The following NCMAP variants were observed in gnomAD, a reference collection of about 807,000 sequenced individuals.
The protein encoded by NCMAP is non-compact myelin associated protein, also known as noncompact myelin-associated protein.
NCMAP carries 8 observed loss-of-function variants against 7.8 expected under a neutral mutation model. That is an observed-to-expected ratio of 1.02 (90% CI 0.60 to 1.84). The LOEUF is 1.84. Among genes scored for constraint, NCMAP ranks in the 40% most tolerant of loss-of-function variants. The probability of loss-of-function intolerance (pLI) is 0.00; values close to 1 mark genes in which losing one functional copy is unlikely to be tolerated. For synonymous variants in NCMAP, 41 were observed against 52.9 expected, an observed-to-expected ratio of 0.78 and a Z score of 0.98; for missense variants, 112 against 131.4, an observed-to-expected ratio of 0.85 and a Z score of 0.72.
intron 1 of NCMAP, among the ~76,000 whole-genome samples, chr1:24,568,579 A>G (rs1276095904): frequency 1.3e-5 from 2 of 152,168 alleles, no homozygotes; most frequent in Admixed American, 6.6e-5. Context: ...ATTTATTATT[A>G]TTAGTAGTAG....
intron 3 of NCMAP, among the ~76,000 whole-genome samples, chr1:24,604,989 G>T (rs139050022): frequency 6.6e-6 from 1 of 151,698 alleles, no homozygotes; most frequent in Non-Finnish European, 1.5e-5. Flanking sequence ...GGTGACAGGT[G>T]CCTGTGATCC....
chr1:24,557,468 T>A (rs902711204), intron 1 of NCMAP, among the ~76,000 whole-genome samples: 2 of 151,958 alleles, frequency 1.3e-5, no homozygotes, highest in Non-Finnish European at 2.9e-5. Flanking sequence ...TGTGTGCGTG[T>A]GTGTGTTGGT....
chr1:24,605,589 A>G lies in NCMAP; in HGVS notation c.168-17A>G. 1 of 1,613,474 alleles carries G rather than the reference A, an allele frequency of 6.2e-7. No homozygotes were observed. The highest frequency in any genetic ancestry group is 8.5e-7 in the Non-Finnish European group (1 of 1,179,452). On this transcript the variant is annotated splice_polypyrimidine_tract_variant and intron_variant, in intron 3 of 3. Coordinates refer to ENST00000374392, the MANE Select transcript of NCMAP (RefSeq NM_001010980.5). ...CCAGGGGAAAGACTCAACCATGTGC[A>G]CATTATCTCCCTACAGGAAAATGAG...
intron 1 of NCMAP, among the ~76,000 whole-genome samples, chr1:24,589,103 G>C (rs1651970514): frequency 6.6e-6 from 1 of 152,174 alleles, no homozygotes; most frequent in Non-Finnish European, 1.5e-5. Context: ...AATGGACAAA[G>C]TGCCTGTGCC....
chr1:24,605,047 C>T (rs368884810), intron 3 of NCMAP, among the ~76,000 whole-genome samples: 4 of 151,316 alleles, frequency 2.6e-5, no homozygotes, highest in African/African-American at 9.7e-5. Flanking sequence ...ACCCAGGAGG[C>T]GGAGGTTGCA....
At chr1:24,566,107 C>T (rs1024396866) in intron 1 of NCMAP, among the ~76,000 whole-genome samples, 20 of 152,166 alleles carry the variant, frequency 1.3e-4, no homozygotes, top group African/African-American at 4.3e-4. Flanking sequence ...TGCTGGACTT[C>T]GAGTCAGTTA....
intron 1 of NCMAP, among the ~76,000 whole-genome samples, chr1:24,581,678 T>A (rs1408874575): frequency 6.6e-6 from 1 of 152,164 alleles, no homozygotes; most frequent in Non-Finnish European, 1.5e-5. Flanking sequence ...ATGAGGCTCA[T>A]GGAGGGGCCA....
chr1:24,604,573 TAAAAAAAAAAAAAAAAAAAAAA>T lies in NCMAP; in HGVS notation c.168-1021_168-1000del, dbSNP rs1159689184. On this transcript the variant is annotated intron_variant, in intron 3 of 3. Coordinates refer to ENST00000374392, the MANE Select transcript of NCMAP (RefSeq NM_001010980.5). ...CCTGGGCAACCAGGGTAAGACTGTC[TAAAAAAAAAAAAAAAAAAAAAA>T]AAAAAAAAAAATATATATATATATA... Among the ~76,000 whole-genome samples, 2 of 11,058 alleles carry T rather than the reference TAAAAAAAAAAAAAAAAAAAAAA, an allele frequency of 1.8e-4. 1 individual carries two copies. The highest frequency in any genetic ancestry group is 8.9e-4 in the African/African-American group (2 of 2,238). The allele number at this position is 11,058 out of a possible 152,430, so 7.3% of individuals were successfully genotyped here. A position where few individuals can be genotyped will look rare whatever the true frequency, so the allele number is the denominator to read the frequency against.
In NCMAP at chr1:24,606,157, T is replaced by A. The variant is rs59677445; in HGVS notation, c.*410T>A. 8,400 of 163,234 alleles carry A rather than the reference T, an allele frequency of 0.051. 784 individuals carry two copies. The highest frequency in any genetic ancestry group is 0.19 in the African/African-American group (7,944 of 41,968). The allele number at this position is 163,234 out of a possible 1,614,324, so 10.1% of individuals were successfully genotyped here. A position where few individuals can be genotyped will look rare whatever the true frequency, so the allele number is the denominator to read the frequency against. ...ATATCAGATGAAGCGCCGTATCCAC[T>A]GCTTCACAGAGCAAAACATTCAATC... On this transcript the variant is annotated 3_prime_UTR_variant, in exon 4 of 4. Coordinates refer to ENST00000374392, the MANE Select transcript of NCMAP (RefSeq NM_001010980.5).
Position 24,605,680 on chromosome 1 carries a change from G to A in NCMAP, c.242G>A (p.Ser81Asn), listed in dbSNP as rs1004778042. The A allele has an allele frequency of 6.2e-7, 1 of 1,614,152 alleles. No homozygotes were observed. The highest frequency in any genetic ancestry group is 8.5e-7 in the Non-Finnish European group (1 of 1,180,020). The change falls in exon 4 of 4, where the codon AGC (serine) becomes AAC (asparagine). Residue 81 changes from serine to asparagine, a missense_variant. Transcript: ENST00000374392. ...GCCCCTTCTGCCGTGGGCCCAAACA[G>A]CAACGGCAGCCAACACCCAGCAACT... ...PTAPSAVGPN[S>N]NGSQHPATVT...
intron 3 of NCMAP, among the ~76,000 whole-genome samples, chr1:24,605,266 A>C (rs931754718): frequency 1.3e-5 from 2 of 152,222 alleles, no homozygotes; most frequent in African/African-American, 4.8e-5. Context: ...CTTAGCAAGC[A>C]TAATGAGGCT....
At chr1:24,557,988 G>T (rs117340985) in intron 1 of NCMAP, among the ~76,000 whole-genome samples, 7 of 152,218 alleles carry the variant, frequency 4.6e-5, no homozygotes, top group Non-Finnish European at 8.8e-5. Flanking sequence ...CCTGCCTGAA[G>T]TCAGGAAGGA....
At chr1:24,602,126 A>C (rs1570541958) in intron 3 of NCMAP, among the ~76,000 whole-genome samples, 1 of 152,260 alleles carries the variant, frequency 6.6e-6, no homozygotes, top group East Asian at 1.9e-4. Context: ...CAAAGTTTAC[A>C]AAACTATATA....
intron 1 of NCMAP, among the ~76,000 whole-genome samples, chr1:24,565,514 CATTGTT>C (rs1651200809): frequency 1.3e-5 from 2 of 151,492 alleles, no homozygotes; most frequent in Non-Finnish European, 2.9e-5. Flanking sequence ...TAATTTATTT[CATTGTT>C]ACCTTCTATT....
chr1:24,565,986 C>T, intron 1 of NCMAP, among the ~76,000 whole-genome samples: 1 of 152,076 alleles, frequency 6.6e-6, no homozygotes, highest in African/African-American at 2.4e-5. Flanking sequence ...CTGTAAGGGG[C>T]TCTTCCCCTT....
At chr1:24,585,520 G>A (rs1478961323) in intron 1 of NCMAP, among the ~76,000 whole-genome samples, 3 of 152,180 alleles carry the variant, frequency 2.0e-5, no homozygotes, top group Non-Finnish European at 4.4e-5. Context: ...GTGAAGCTAT[G>A]AACAGTTCCA....
chr1:24,595,239 T>C (rs972196965), intron 1 of NCMAP, among the ~76,000 whole-genome samples, 185 bp from the exon 2 acceptor site: 13 of 152,188 alleles, frequency 8.5e-5, no homozygotes, highest in African/African-American at 3.1e-4. Context: ...CTTACAAATG[T>C]CGGGTATTAG....
rs548583547 is a variant in NCMAP at position 24,600,913 on chromosome 1, C to T, written c.83-27C>T. ...GGTCTGCGTTCAGTTTGCACATTCA[C>T]GGTCTCTGCTTCTCTCCTTTCTGTA... On this transcript the variant is annotated intron_variant, in intron 2 of 3. Transcript: ENST00000374392. The T allele has an allele frequency of 1.3e-5, 21 of 1,608,100 alleles. No individual in the cohort carries two copies. The Admixed American group carries it at 2.0e-4, about 15-fold the overall frequency.
intron 1 of NCMAP, among the ~76,000 whole-genome samples, chr1:24,582,567 C>T (rs1363956936): frequency 2.0e-5 from 3 of 152,076 alleles, no homozygotes; most frequent in South Asian, 2.1e-4. Flanking sequence ...GACGATGCTA[C>T]GCTGCTGGTC....
Sources: allele counts gnomAD v4.1 joint callset (sites outside exome capture counted in the v4.1 genomes callset), GRCh38; gene constraint gnomAD v4.1.1; transcripts MANE v1.5; gene names NCBI Gene and HGNC (gene_info 2026-07-23, HGNC 2026-07-21).